The following DSCAM variants were observed in gnomAD, a reference collection of about 807,000 sequenced individuals.
DSCAM encodes the protein DS cell adhesion molecule.
DSCAM carries 47 observed loss-of-function variants against 217.7 expected under a neutral mutation model. The ratio of observed to expected loss-of-function variants is 0.22; its 90% CI spans 0.17 to 0.28. The LOEUF is 0.28. Among genes scored for constraint, DSCAM ranks in the 10% least tolerant of loss-of-function variants. The pLI, the probability that DSCAM is intolerant of heterozygous loss-of-function variation, is 1.00. For missense variants in DSCAM, 2,080 were observed against 2,618.3 expected (o/e 0.79, Z 4.49); for synonymous variants, 1,056 against 1,015.3 (o/e 1.04, Z -0.76).
At chr21:40,317,235 G>T (rs2074207262) in intron 8 of DSCAM, among the ~76,000 whole-genome samples, 1 of 152,160 alleles carries the variant, frequency 6.6e-6, no homozygotes, top group Non-Finnish European at 1.5e-5. Context: ...CTGGTTATCT[G>T]GTCAATTCTG....
intron 3 of DSCAM, among the ~76,000 whole-genome samples, chr21:40,435,790 C>T (rs555892880): frequency 6.6e-6 from 1 of 152,266 alleles, no homozygotes; most frequent in East Asian, 1.9e-4. Context: ...GATGGTTTGA[C>T]TTAGGATTTT....
At chr21:40,418,572 G>A (rs192698596) in intron 3 of DSCAM, among the ~76,000 whole-genome samples, 6 of 152,206 alleles carry the variant, frequency 3.9e-5, no homozygotes, top group South Asian at 4.1e-4. Context: ...CAGGATTGCC[G>A]GTACTGAAGG....
At chr21:40,081,010 C>T (rs897512918) in intron 24 of DSCAM, among the ~76,000 whole-genome samples, 1 of 152,208 alleles carries the variant, frequency 6.6e-6, no homozygotes, top group Non-Finnish European at 1.5e-5. Context: ...CCTTTGCTTA[C>T]AGTATTTCTG....
chr21:40,756,760 C>G (rs1294045597), intron 1 of DSCAM, among the ~76,000 whole-genome samples: 1 of 152,100 alleles, frequency 6.6e-6, no homozygotes, highest in East Asian at 1.9e-4. Context: ...ATTTTAACTT[C>G]TTTTATCCTA....
At chr21:40,701,240 A>G (rs961636056) in intron 2 of DSCAM, among the ~76,000 whole-genome samples, 1 of 152,010 alleles carries the variant, frequency 6.6e-6, no homozygotes, top group African/African-American at 2.4e-5. Flanking sequence ...ACTTTTCTTA[A>G]TGTTCTCTTA....
At chr21:40,560,035 C>T (rs911513459) in intron 3 of DSCAM, among the ~76,000 whole-genome samples, 3 of 152,080 alleles carry the variant, frequency 2.0e-5, no homozygotes, top group Admixed American at 1.3e-4. Flanking sequence ...CCTCGTGATC[C>T]GCCCGCCTTG....
intron 28 of DSCAM, among the ~76,000 whole-genome samples, chr21:40,057,873 CTT>C (rs71186913): frequency 7.5e-5 from 8 of 107,226 alleles, no homozygotes; most frequent in Admixed American, 1.2e-4. Flanking sequence ...TCACTGCAGT[CTT>C]TTTTTTTTTT....
chr21:40,800,528 A>G (rs1293227297), intron 1 of DSCAM, among the ~76,000 whole-genome samples: 1 of 152,174 alleles, frequency 6.6e-6, no homozygotes, highest in East Asian at 1.9e-4. Context: ...GGCCATTCTG[A>G]TGAGATCTCA....
At chr21:40,638,690 T>G (rs779726537) in intron 3 of DSCAM, among the ~76,000 whole-genome samples, 1 of 152,178 alleles carries the variant, frequency 6.6e-6, no homozygotes, top group African/African-American at 2.4e-5. Context: ...AGCTTTAAAC[T>G]AATAACTCAG....
intron 3 of DSCAM, among the ~76,000 whole-genome samples, chr21:40,411,848 A>G (rs978320376): frequency 6.6e-6 from 1 of 152,212 alleles, no homozygotes; most frequent in Admixed American, 6.5e-5. Context: ...ACCACAAACT[A>G]CCAATACTCA....
At chr21:40,105,465 G>T (rs780461794) in intron 20 of DSCAM, among the ~76,000 whole-genome samples, 5 of 152,176 alleles carry the variant, frequency 3.3e-5, no homozygotes, top group Non-Finnish European at 7.3e-5. Context: ...GTGACAGTGA[G>T]TGAGTTCTCA....
chr21:40,116,139 CACA>C (rs1241585941), intron 20 of DSCAM, among the ~76,000 whole-genome samples: 1 of 152,030 alleles, frequency 6.6e-6, no homozygotes, highest in African/African-American at 2.4e-5. Flanking sequence ...CAACACACAA[CACA>C]ACAACAACAC....
rs1186804232 is a variant in DSCAM, at chr21:40,075,010, T to C, written c.4888+27A>G. 4.3e-6 allele frequency: 7 copies of C among 1,612,564 alleles called. No individual in the cohort carries two copies. In the East Asian group the frequency reaches 1.3e-4, roughly 31 times the overall value. ...GCTGCAGAGCAGCAGGGGACACGCG[T>C]AGGTGGACAGCTGGGCCTGGACCTA... On this transcript the variant is annotated intron_variant, in intron 27 of 32. Transcript: ENST00000400454.
At chr21:40,511,606 C>T (rs955249705) in intron 3 of DSCAM, among the ~76,000 whole-genome samples, 1 of 152,084 alleles carries the variant, frequency 6.6e-6, no homozygotes, top group African/African-American at 2.4e-5. Flanking sequence ...TTTTATAATT[C>T]TTTATAGAGT....
At chr21:40,337,019 T>C (rs946235708) in intron 8 of DSCAM, among the ~76,000 whole-genome samples, 25 of 152,232 alleles carry the variant, frequency 1.6e-4, no homozygotes, top group Admixed American at 1.2e-3. Flanking sequence ...GCATATCTAA[T>C]ATACAATGCA....
chr21:40,545,780 G>C (rs867047557), intron 3 of DSCAM, among the ~76,000 whole-genome samples: 1 of 152,210 alleles, frequency 6.6e-6, no homozygotes, highest in Non-Finnish European at 1.5e-5. Context: ...AATGAGGGGA[G>C]AACAAAGAGT....
intron 1 of DSCAM, among the ~76,000 whole-genome samples, chr21:40,839,242 T>C (rs1413615273): frequency 6.6e-6 from 1 of 152,198 alleles, no homozygotes; most frequent in Non-Finnish European, 1.5e-5. Context: ...ACTTCATATA[T>C]TGCAATTTAA....
At chr21:40,697,393 C>A (rs769677603) in intron 2 of DSCAM, among the ~76,000 whole-genome samples, 7 of 152,048 alleles carry the variant, frequency 4.6e-5, no homozygotes, top group Non-Finnish European at 8.8e-5. Context: ...GAGGCCTTAC[C>A]CCAAAAATCT....
intron 1 of DSCAM, among the ~76,000 whole-genome samples, chr21:40,828,092 A>T (rs139793413): frequency 2.0e-5 from 3 of 152,082 alleles, no homozygotes; most frequent in Non-Finnish European, 4.4e-5. Context: ...AAGAGGGGGA[A>T]GTTGAGGCTG....
Sources: gnomAD v4.1 joint callset for allele counts (sites outside exome capture counted in the v4.1 genomes callset) on GRCh38, gnomAD v4.1.1 for gene constraint, MANE v1.5 for transcripts, NCBI Gene and HGNC (gene_info 2026-07-23, HGNC 2026-07-21) for gene names.